The following RNMT variants were observed in gnomAD, a reference collection of about 807,000 sequenced individuals.
RNMT encodes RNA guanine-7 methyltransferase.
In RNMT, 27 loss-of-function variants were observed where a neutral mutation model predicts 56.0. That is an observed-to-expected ratio of 0.48 (90% CI 0.36 to 0.67). The LOEUF is 0.67. Ranked by LOEUF, RNMT falls within the 30% of genes least tolerant of loss-of-function variation. The probability of loss-of-function intolerance (pLI) is 0.00; values close to 1 mark genes in which losing one functional copy is unlikely to be tolerated. For missense variants in RNMT, 519 were observed against 552.1 expected, an observed-to-expected ratio of 0.94 and a Z score of 0.60; for synonymous variants, 184 against 176.2, an observed-to-expected ratio of 1.04 and a Z score of -0.35.
intron 3 of RNMT, among the ~76,000 whole-genome samples, chr18:13,733,792 C>T (rs1200862136): frequency 6.6e-6 from 1 of 152,170 alleles, no homozygotes; most frequent in Non-Finnish European, 1.5e-5. Flanking sequence ...CATTGACTGT[C>T]ATTTATTGAA....
At chr18:13,737,168 T>A (rs1156642434) in intron 5 of RNMT, 33 bp downstream of exon 5, 1 of 1,532,032 alleles carries the variant, frequency 6.5e-7, no homozygotes, top group African/African-American at 1.4e-5. Flanking sequence ...AAAGAATAAT[T>A]TGTAGTCAGA....
chr18:13,760,859 T>G lies in RNMT; in HGVS notation c.*880T>G. 2 of 985,452 alleles carry G rather than the reference T, an allele frequency of 2.0e-6. No homozygotes were observed. Among genetic ancestry groups the G allele is most frequent in the Non-Finnish European group, 2.4e-6 (2 of 829,920 alleles). The allele number at this position is 985,452 out of a possible 1,614,324, so 61.0% of individuals were successfully genotyped here. A position where few individuals can be genotyped will look rare whatever the true frequency, so the allele number is the denominator to read the frequency against. On this transcript the variant is annotated 3_prime_UTR_variant, in exon 12 of 12. Transcript: ENST00000383314. ...TACCCACTTCAGAAATAAGCAATACTTGTTCCTCTGTTACAACCTCAGCAC... is the reference window on the plus strand; with the variant it reads ...TACCCACTTCAGAAATAAGCAATACGTGTTCCTCTGTTACAACCTCAGCAC...
At chr18:13,759,369 C>T (rs1337095683) in intron 11 of RNMT, among the ~76,000 whole-genome samples, 1 of 152,112 alleles carries the variant, frequency 6.6e-6, no homozygotes, top group Non-Finnish European at 1.5e-5. Flanking sequence ...AACCTTATTT[C>T]AGGGAGAGAG....
At chr18:13,737,180 A>G in intron 5 of RNMT, 45 bp downstream of exon 5, 4 of 1,496,362 alleles carry the variant, frequency 2.7e-6, no homozygotes, top group Non-Finnish European at 3.7e-6. Context: ...GTAGTCAGAT[A>G]AATGGAAAAT....
chr18:13,738,485 C>T (rs1377885618), intron 5 of RNMT, among the ~76,000 whole-genome samples: 1 of 152,132 alleles, frequency 6.6e-6, no homozygotes, highest in East Asian at 1.9e-4. Flanking sequence ...TCTGTTACTA[C>T]ATCAAAACTC....
In RNMT at chr18:13,731,737, G is replaced by A. The variant is rs2044073336; in HGVS notation, c.220G>A (p.Gly74Arg). The A allele has an allele frequency of 6.2e-7, 1 of 1,612,982 alleles. No individual in the cohort carries two copies. Among genetic ancestry groups the A allele is most frequent in the Non-Finnish European group, 8.5e-7 (1 of 1,179,748 alleles). Residue 74 changes from glycine to arginine, a missense_variant, in exon 3 of 12, where the codon GGG becomes AGG. Transcript: ENST00000383314. ...TCTTGTAAAGGAAAGTTCTAGTTGT[G>A]GGAAAGACACTCCATCCAAGAAGAG... ...DDLVKESSSC[G>R]KDTPSKKRKL...
chr18:13,733,423 G>C (rs934570439), intron 3 of RNMT, among the ~76,000 whole-genome samples: 4 of 152,048 alleles, frequency 2.6e-5, no homozygotes, highest in Admixed American at 2.6e-4. Context: ...TGTTGCCCAT[G>C]CTGGAGTGCG....
At position 13,747,219 on chromosome 18, in the gene RNMT, A is replaced by AT. The variant is rs5823270; in HGVS notation, c.1257+895dup. Among the ~76,000 whole-genome samples the AT allele has an allele frequency of 7.3e-3, 441 of 60,458 alleles. 1 individual carries two copies. The highest frequency in any genetic ancestry group is 9.9e-3 in the African/African-American group (253 of 25,602). The allele number at this position is 60,458 out of a possible 152,430, so 39.7% of individuals were successfully genotyped here. ...GTAACTTTTCACTAATTTTTTTCCTATTTTTTTTTTTTTGTTGTTAATGAC... is the reference window on the plus strand; with the variant it reads ...GTAACTTTTCACTAATTTTTTTCCTATTTTTTTTTTTTTTGTTGTTAATGAC... On this transcript the variant is annotated intron_variant, in intron 9 of 11. Transcript: ENST00000383314.
At chr18:13,753,334 G>A (rs1178372740) in intron 10 of RNMT, among the ~76,000 whole-genome samples, 1 of 152,134 alleles carries the variant, frequency 6.6e-6, no homozygotes, top group South Asian at 2.1e-4. Context: ...ACGTGGTGAC[G>A]GGCCCCTATA....
Position 13,762,110 on chromosome 18 carries a change from A to G in RNMT, c.*2131A>G. ...GCCAGGAAGAGCACCTGTTGCTGCA[A>G]GCTCAGTGAAGTGGGGCACTCCCAG... On this transcript the variant is annotated 3_prime_UTR_variant, in exon 12 of 12. Coordinates refer to ENST00000383314, the MANE Select transcript of RNMT (RefSeq NM_003799.3). 6.5e-7 allele frequency: 1 copy of G among 1,536,066 alleles called. No homozygotes were observed. The highest frequency in any genetic ancestry group is 8.7e-7 in the Non-Finnish European group (1 of 1,146,868).
intron 9 of RNMT, among the ~76,000 whole-genome samples, chr18:13,746,623 G>A (rs2044356488): frequency 6.6e-6 from 1 of 152,210 alleles, no homozygotes; most frequent in South Asian, 2.1e-4. Context: ...ATGCCTTGCT[G>A]TGGGATGCTG....
At chr18:13,727,995 C>T (rs1435990027) in intron 1 of RNMT, among the ~76,000 whole-genome samples, 2 of 152,230 alleles carry the variant, frequency 1.3e-5, no homozygotes, top group East Asian at 3.9e-4. Flanking sequence ...TGTTGATGAA[C>T]GCTTAGGTTG....
chr18:13,741,917 G>A (rs2044258103), intron 7 of RNMT, among the ~76,000 whole-genome samples: 1 of 152,206 alleles, frequency 6.6e-6, no homozygotes, highest in African/African-American at 2.4e-5. Flanking sequence ...AAGTTATAGT[G>A]ATAGACAAAC....
At position 13,762,766 on chromosome 18, in the gene RNMT, GTTAACTC is replaced by G; in HGVS notation, c.*2789_*2795del. The G allele has an allele frequency of 3.6e-6, 1 of 276,860 alleles. No individual in the cohort carries two copies. The highest frequency in any genetic ancestry group is 8.4e-5 in the East Asian group (1 of 11,974). 17.2% of individuals were successfully genotyped at this position (276,860 alleles called of 1,614,324 possible). On this transcript the variant is annotated 3_prime_UTR_variant, in exon 12 of 12. Coordinates refer to ENST00000383314, the MANE Select transcript of RNMT (RefSeq NM_003799.3). ...ATGAGATGGCCAGGTATCCAGTTTT[GTTAACTC>G]TCTTTGGGAATTTCTTTTTCAGCCT... is the stretch of plus-strand genomic sequence containing the variant.
At chr18:13,756,552 G>A (rs1485007110) in intron 11 of RNMT, among the ~76,000 whole-genome samples, 1 of 152,174 alleles carries the variant, frequency 6.6e-6, no homozygotes, top group Non-Finnish European at 1.5e-5. Context: ...GCTGGGGACT[G>A]CTTTGTCTCC....
Position 13,762,729 on chromosome 18 carries a change from GC to G in RNMT, c.*2751del, listed in dbSNP as rs1348805312. ...TCAGGATCATAGAAAAGAAGACAAAGCTTGCTCAGCCATGAGATGGCCAGGT... is the reference window on the plus strand; with the variant it reads ...TCAGGATCATAGAAAAGAAGACAAAGTTGCTCAGCCATGAGATGGCCAGGT... On this transcript the variant is annotated 3_prime_UTR_variant, in exon 12 of 12. Transcript: ENST00000383314. 3.9e-6 allele frequency: 1 copy of G among 257,240 alleles called. No individual in the cohort carries two copies. Among genetic ancestry groups the G allele is most frequent in the Non-Finnish European group, 7.8e-6 (1 of 128,964 alleles). The allele number at this position is 257,240 out of a possible 1,614,324, so 15.9% of individuals were successfully genotyped here. A position where few individuals can be genotyped will look rare whatever the true frequency, so the allele number is the denominator to read the frequency against.
Position 13,760,737 on chromosome 18 carries a change from A to T in RNMT, c.*758A>T. On this transcript the variant is annotated 3_prime_UTR_variant, in exon 12 of 12. Transcript: ENST00000383314. ...TGGTGCCATAGTTATTTTTCTCAAAATTTAGTGAAAATCCCTCCCATGTAG... is the reference window on the plus strand; with the variant it reads ...TGGTGCCATAGTTATTTTTCTCAAATTTTAGTGAAAATCCCTCCCATGTAG... 1 of 985,380 alleles carries T rather than the reference A, an allele frequency of 1.0e-6. No individual in the cohort carries two copies. Among genetic ancestry groups the T allele is most frequent in the South Asian group, 4.7e-5 (1 of 21,290 alleles). 61.0% of individuals were successfully genotyped at this position (985,380 alleles called of 1,614,324 possible).
At chr18:13,740,084 T>G (rs1174976503) in intron 5 of RNMT, 83 bp from the exon 6 acceptor site, 2 of 829,942 alleles carry the variant, frequency 2.4e-6, no homozygotes, top group South Asian at 3.0e-5. Context: ...CTGACTTTTA[T>G]GCCAGAGTTT....
Position 13,746,334 on chromosome 18 carries a change from G to A in RNMT, c.1254G>A (p.Leu418=). The A allele has an allele frequency of 2.7e-6, 4 of 1,484,524 alleles. No homozygotes were observed. Among genetic ancestry groups the A allele is most frequent in the Non-Finnish European group, 3.7e-6 (4 of 1,076,926 alleles). The allele number at this position is 1,484,524 out of a possible 1,614,324, so 92.0% of individuals were successfully genotyped here. A position where few individuals can be genotyped will look rare whatever the true frequency, so the allele number is the denominator to read the frequency against. The change falls in exon 9 of 12, where the codon TTG becomes TTA. Residue 418 remains leucine, a synonymous_variant. Coordinates refer to ENST00000383314, the MANE Select transcript of RNMT (RefSeq NM_003799.3). ...NKMLLKRMQA[L]EPYPANESSK... ...TGCTCTTAAAACGAATGCAGGCCTT[G>A]GAGGTGAGTATTTAGAAAAGATGTA...
Sources: gnomAD v4.1 joint callset for allele counts (sites outside exome capture counted in the v4.1 genomes callset) on GRCh38, gnomAD v4.1.1 for gene constraint, MANE v1.5 for transcripts, NCBI Gene and HGNC (gene_info 2026-07-23, HGNC 2026-07-21) for gene names.